CACNA2D1: variants seen among roughly 807,000 people sequenced by gnomAD.
The protein encoded by CACNA2D1 is voltage-dependent calcium channel subunit alpha-2/delta-1.
Under a neutral mutation model 171.5 loss-of-function variants are expected in CACNA2D1, and 53 were observed. That is an observed-to-expected ratio of 0.31 (90% CI 0.25 to 0.39). The LOEUF (loss-of-function observed/expected upper bound fraction) is 0.39. Ranked by LOEUF, CACNA2D1 falls within the 10% of genes least tolerant of loss-of-function variation. CACNA2D1 has a pLI of 1.00. For missense variants in CACNA2D1, 903 were observed against 1,299.8 expected (o/e 0.69, Z 4.69); for synonymous variants, 442 against 443.1 (o/e 1.00, Z 0.03).
intron 3 of CACNA2D1, among the ~76,000 whole-genome samples, chr7:82,207,083 C>A (rs187407073): frequency 6.6e-6 from 1 of 152,190 alleles, no homozygotes; most frequent in Non-Finnish European, 1.5e-5. Context: ...AACAAGTCCT[C>A]TTCTATGGGA....
intron 1 of CACNA2D1, among the ~76,000 whole-genome samples, chr7:82,424,165 T>C (rs1036748488): frequency 6.6e-6 from 1 of 152,124 alleles, no homozygotes; most frequent in Admixed American, 6.6e-5. Context: ...AATTAATTAT[T>C]GCTAGACTTA....
chr7:82,104,549 T>C (rs1813082118), intron 6 of CACNA2D1, among the ~76,000 whole-genome samples: 1 of 152,024 alleles, frequency 6.6e-6, no homozygotes, highest in Admixed American at 6.5e-5. Flanking sequence ...ATATCACCGT[T>C]TTCCTTTTAT....
At chr7:82,178,327 G>C (rs1258518694) in intron 3 of CACNA2D1, among the ~76,000 whole-genome samples, 2 of 152,172 alleles carry the variant, frequency 1.3e-5, no homozygotes, top group Non-Finnish European at 2.9e-5. Context: ...GGCAGGGTAA[G>C]GGAGATATCA....
chr7:82,193,439 A>G (rs933041211), intron 3 of CACNA2D1, among the ~76,000 whole-genome samples: 9 of 152,006 alleles, frequency 5.9e-5, no homozygotes, highest in Admixed American at 5.3e-4. Context: ...AGTTTGCCAA[A>G]TCTTTTGAGA....
At chr7:82,291,785 G>A (rs928475225) in intron 3 of CACNA2D1, among the ~76,000 whole-genome samples, 2 of 150,556 alleles carry the variant, frequency 1.3e-5, no homozygotes, top group Non-Finnish European at 3.0e-5. Context: ...GATTACAGGC[G>A]TGAGCCACTG....
intron 1 of CACNA2D1, among the ~76,000 whole-genome samples, chr7:82,430,183 G>A (rs958276043): frequency 4.6e-5 from 7 of 152,032 alleles, no homozygotes; most frequent in Non-Finnish European, 7.4e-5. Flanking sequence ...TTGGGAAGCC[G>A]AGGCAGGCAG....
rs541011292 is a variant in CACNA2D1, at chr7:82,312,251, T to C, written c.294+22884A>G. On this transcript the variant is annotated intron_variant, in intron 3 of 38. Transcript: ENST00000356860. ...GCTCACTGAAATTTTTCTTGTTTGA[T>C]TTTGAGATTTTATTATTACCTGCAA... Among the ~76,000 whole-genome samples, 643 of 152,286 alleles carry C rather than the reference T, an allele frequency of 4.2e-3. 4 individuals carry two copies. Among genetic ancestry groups the C allele is most frequent in the Non-Finnish European group, 6.9e-3 (469 of 68,016 alleles).
chr7:82,145,409 T>C (rs1584910381), intron 4 of CACNA2D1, among the ~76,000 whole-genome samples: 1 of 144,570 alleles, frequency 6.9e-6, no homozygotes, highest in East Asian at 2.0e-4. Context: ...ATATTGCATA[T>C]TATATATTAT....
intron 7 of CACNA2D1, among the ~76,000 whole-genome samples, chr7:82,067,157 T>G (rs1264761266): frequency 6.6e-6 from 1 of 152,204 alleles, no homozygotes; most frequent in Non-Finnish European, 1.5e-5. Context: ...CTAATTGTAT[T>G]GATTTTTAAA....
chr7:82,208,306 CTT>C (rs1474293159), intron 3 of CACNA2D1, among the ~76,000 whole-genome samples: 1 of 152,066 alleles, frequency 6.6e-6, no homozygotes, highest in Non-Finnish European at 1.5e-5. Context: ...TACAGGAACT[CTT>C]ATTTCATAGC....
chr7:82,072,501 T>G (rs917321808), intron 7 of CACNA2D1, among the ~76,000 whole-genome samples: 1 of 151,830 alleles, frequency 6.6e-6, no homozygotes, highest in Non-Finnish European at 1.5e-5. Context: ...TGGTCCCAAG[T>G]AATCAGTTAC....
intron 1 of CACNA2D1, among the ~76,000 whole-genome samples, chr7:82,429,474 C>T (rs1424753589): frequency 1.3e-5 from 2 of 152,060 alleles, no homozygotes; most frequent in African/African-American, 4.8e-5. Flanking sequence ...GAATAGAGTC[C>T]AGGAGCCAAT....
chr7:82,402,292 G>A (rs528347968), intron 1 of CACNA2D1, among the ~76,000 whole-genome samples: 12 of 152,308 alleles, frequency 7.9e-5, no homozygotes, highest in African/African-American at 2.6e-4. Context: ...AACGTACCAT[G>A]TTCCAGATAC....
Position 82,443,403 on chromosome 7 carries a change from G to C in CACNA2D1, c.57C>G (p.Ile19Met), listed in dbSNP as rs770350248. The change falls in exon 1 of 39, where the codon ATC becomes ATG. Residue 19 changes from isoleucine (I) to methionine (M), a missense_variant. Ile to Met is a conservative substitution (Grantham distance 10). Coordinates refer to ENST00000356860, the MANE Select transcript of CACNA2D1 (RefSeq NM_000722.4). The part of the protein sequence containing the change: ...LTLTLFQSLL[I>M]GPSSEEPFPS... ...GGAACGGCTCCTCCGACGAGGGGCC[G>C]ATGAGCAAAGATTGGAAAAGTGTCA... 3.7e-5 allele frequency: 60 copies of C among 1,606,126 alleles called. No individual in the cohort carries two copies. The Admixed American group carries it at 9.6e-4, about 26-fold the overall frequency.
intron 6 of CACNA2D1, among the ~76,000 whole-genome samples, chr7:82,088,575 A>T (rs1467615482): frequency 6.6e-6 from 1 of 152,136 alleles, no homozygotes; most frequent in Non-Finnish European, 1.5e-5. Context: ...ATTTTATTTA[A>T]TTGTGGAAAT....
At chr7:82,185,819 T>A (rs1797679151) in intron 3 of CACNA2D1, among the ~76,000 whole-genome samples, 1 of 151,938 alleles carries the variant, frequency 6.6e-6, no homozygotes, top group Admixed American at 6.6e-5. Context: ...GAAACTAATT[T>A]ATACTAAAGA....
At chr7:82,149,445 T>C (rs757261561) in intron 4 of CACNA2D1, among the ~76,000 whole-genome samples, 1 of 152,008 alleles carries the variant, frequency 6.6e-6, no homozygotes, top group Non-Finnish European at 1.5e-5. Context: ...GGTAGACAAC[T>C]GGGGCTGTTT....
At chr7:82,121,374 G>A (rs1322007232) in intron 5 of CACNA2D1, among the ~76,000 whole-genome samples, 2 of 152,014 alleles carry the variant, frequency 1.3e-5, no homozygotes, top group African/African-American at 4.8e-5. Context: ...CTTCATTTTT[G>A]GTAAATCTCT....
intron 3 of CACNA2D1, among the ~76,000 whole-genome samples, chr7:82,224,458 C>T (rs1223526726): frequency 2.0e-5 from 3 of 151,948 alleles, no homozygotes; most frequent in African/African-American, 4.8e-5. Context: ...TGGTGGCACA[C>T]GCCTGTAATC....
Sources: allele counts gnomAD v4.1 joint callset (sites outside exome capture counted in the v4.1 genomes callset), GRCh38; gene constraint gnomAD v4.1.1; transcripts MANE v1.5; gene names NCBI Gene and HGNC (gene_info 2026-07-23, HGNC 2026-07-21).